NCSTN: variants seen among roughly 807,000 people sequenced by gnomAD.
NCSTN encodes the protein nicastrin, also known as anterior pharynx-defective 2.
Under a neutral mutation model 87.0 loss-of-function variants are expected in NCSTN, and 22 were observed. The observed-to-expected ratio is 0.25, with a 90% CI of 0.18 to 0.36. The LOEUF (loss-of-function observed/expected upper bound fraction) is 0.36, where lower values mean the gene tolerates loss of function less well. Among genes scored for constraint, NCSTN ranks in the 10% least tolerant of loss-of-function variants. The pLI is 1.00. For synonymous variants in NCSTN, 306 were observed against 327.1 expected, an observed-to-expected ratio of 0.94 and a Z score of 0.69; for missense variants, 693 against 883.3, an observed-to-expected ratio of 0.78 and a Z score of 2.73.
In NCSTN at chr1:160,358,342, C is replaced by A; in HGVS notation, c.*71C>A. On this transcript the variant is annotated 3_prime_UTR_variant, in exon 17 of 17. Coordinates refer to ENST00000294785, the MANE Select transcript of NCSTN (RefSeq NM_015331.3). The stretch of plus-strand genomic sequence containing the variant: ...AGCATCTGTCCCACTGGGACACAAC[C>A]ACTAATTTGTCACTGGAACCTCCCT... The A allele has an allele frequency of 6.2e-7, 1 of 1,604,758 alleles. No individual in the cohort carries two copies. The highest frequency in any genetic ancestry group is 8.5e-7 in the Non-Finnish European group (1 of 1,174,530).
Position 160,352,960 on chromosome 1 carries a change from A to G in NCSTN, c.1070A>G (p.Glu357Gly), listed in dbSNP as rs150081670. Residue 357 changes from glutamate to glycine, a missense_variant, in exon 9 of 17, where the codon GAG (glutamate) becomes GGG (glycine). Coordinates refer to ENST00000294785, the MANE Select transcript of NCSTN (RefSeq NM_015331.3). ...AAGGGCAAGTTTCCCGTGCAGTTAGAGAATGTTGACTCATTTGTGGAGCTG... is the reference window on the plus strand; with the variant it reads ...AAGGGCAAGTTTCCCGTGCAGTTAGGGAATGTTGACTCATTTGTGGAGCTG... ...MEKGKFPVQL[E>G]NVDSFVELGQ... 1.1e-4 allele frequency: 185 copies of G among 1,614,018 alleles called. No individual in the cohort carries two copies. The highest frequency in any genetic ancestry group is 1.4e-4 in the Non-Finnish European group (168 of 1,179,998).
At chr1:160,350,804 G>A (rs1007175253) in intron 5 of NCSTN, among the ~76,000 whole-genome samples, 2 of 152,084 alleles carry the variant, frequency 1.3e-5, no homozygotes, top group East Asian at 1.9e-4. Context: ...TTCTGGTCTA[G>A]TATTTCCATT....
intron 2 of NCSTN, among the ~76,000 whole-genome samples, chr1:160,345,667 G>A (rs1388023601): frequency 3.3e-5 from 5 of 151,806 alleles, no homozygotes; most frequent in Non-Finnish European, 7.4e-5. Context: ...GGGCGCAGTG[G>A]CACATGCCTG....
chr1:160,351,334 G>A lies in NCSTN; in HGVS notation c.695G>A (p.Arg232Gln), dbSNP rs773418303. The A allele has an allele frequency of 2.5e-6, 4 of 1,614,184 alleles. No individual in the cohort carries two copies. Among genetic ancestry groups the A allele is most frequent in the Non-Finnish European group, 3.4e-6 (4 of 1,180,032 alleles). ...GTCATCAGCACTGCCACCTGCATGC[G>A]GCGCAGCTCCATCCAAAGCACCTTC... ...HAVISTATCM[R>Q]RSSIQSTFSI... The change falls in exon 6 of 17, where the codon CGG becomes CAG. Residue 232 changes from arginine to glutamine, a missense_variant. Transcript: ENST00000294785.
At chr1:160,353,775 G>A in intron 10 of NCSTN, 2 of 931,164 alleles carry the variant, frequency 2.1e-6, no homozygotes, top group Non-Finnish European at 2.6e-6. Context: ...TCAGCACGCA[G>A]TTTTCTATTA....
At chr1:160,352,740 C>G (rs758080329) in intron 8 of NCSTN, 147 bp from the exon 9 acceptor site, 2 of 720,838 alleles carry the variant, frequency 2.8e-6, no homozygotes, top group African/African-American at 3.5e-5. Flanking sequence ...CAAGAGAAGC[C>G]GAAAGTCACA....
intron 1 of NCSTN, 79 bp from the exon 2 acceptor site, chr1:160,344,643 A>G (rs745784255): frequency 2.6e-5 from 42 of 1,587,646 alleles, no homozygotes; most frequent in Non-Finnish European, 3.4e-6. Flanking sequence ...TACCCAAGCC[A>G]TACTTCAGGT....
At chr1:160,353,519 T>A (rs1648979960) in intron 10 of NCSTN, 2 of 1,319,206 alleles carry the variant, frequency 1.5e-6, no homozygotes, top group Middle Eastern at 3.0e-4. Flanking sequence ...ACTAGCTCCC[T>A]TCTTGCCTTG....
intron 13 of NCSTN, 31 bp downstream of exon 13, chr1:160,355,989 T>C (rs1209471556): frequency 1.9e-6 from 3 of 1,562,852 alleles, no homozygotes; most frequent in Non-Finnish European, 1.8e-6. Context: ...TCCTTCTTTC[T>C]ATTTACACAG....
At chr1:160,353,288 A>AC (rs753269655) in intron 10 of NCSTN, 51 bp downstream of exon 10, 1 of 1,613,096 alleles carries the variant, frequency 6.2e-7, no homozygotes, top group Non-Finnish European at 8.5e-7. Context: ...CAGAATCCAG[A>AC]CCCCAACCCC....
intron 2 of NCSTN, among the ~76,000 whole-genome samples, chr1:160,345,361 T>G (rs1648413645): frequency 6.6e-6 from 1 of 151,952 alleles, no homozygotes; most frequent in Admixed American, 6.5e-5. Flanking sequence ...CCCAGCTAAT[T>G]TTTGTATTTT....
chr1:160,350,553 A>G (rs1382218131), intron 5 of NCSTN, among the ~76,000 whole-genome samples: 12 of 152,158 alleles, frequency 7.9e-5, no homozygotes, highest in African/African-American at 2.9e-4. Context: ...CTCCAAAAAG[A>G]ACCAAGACGT....
intron 4 of NCSTN, 108 bp from the exon 5 acceptor site, chr1:160,349,997 T>G: frequency 7.3e-7 from 1 of 1,361,854 alleles, no homozygotes; most frequent in Non-Finnish European, 1.0e-6. Flanking sequence ...AGTCACCACC[T>G]CCTTTTGAAC....
chr1:160,344,887 G>A (rs1205230390), intron 2 of NCSTN, 61 bp downstream of exon 2: 1 of 1,377,510 alleles, frequency 7.3e-7, no homozygotes, highest in Non-Finnish European at 1.0e-6. Context: ...TAGATACTAA[G>A]TAACATCCAT....
rs1452083387 is a variant in NCSTN at position 160,352,071 on chromosome 1, T to C, written c.861T>C (p.Phe287=). ...GTACCTAGCTGGATAGTCGTTCCTTTTTCTGGAATGTGGCCCCAGGGGCTG... is the reference window on the plus strand; with the variant it reads ...GTACCTAGCTGGATAGTCGTTCCTTCTTCTGGAATGTGGCCCCAGGGGCTG... The part of the protein sequence containing the change: ...VAATRLDSRS[F]FWNVAPGAES... Residue 287 remains phenylalanine, a synonymous_variant, in exon 8 of 17, where the codon TTT becomes TTC. Transcript: ENST00000294785. The C allele has an allele frequency of 4.3e-6, 7 of 1,614,112 alleles. No homozygotes were observed. The highest frequency in any genetic ancestry group is 5.9e-6 in the Non-Finnish European group (7 of 1,180,038).
In NCSTN at chr1:160,355,931, C is replaced by T. The variant is rs1217911323; in HGVS notation, c.1524C>T (p.Ser508=). The part of the protein sequence containing the change: ...LYELAGGTNF[S]DTVQADPQTV... The stretch of plus-strand genomic sequence containing the variant: ...AGCTTGCAGGAGGAACCAACTTCAG[C>T]GACACAGTTCAGGCTGATCCCCAAA... Residue 508 remains serine, a synonymous_variant, in exon 13 of 17, where the codon AGC becomes AGT. Transcript: ENST00000294785. 23 of 1,613,934 alleles carry T rather than the reference C, an allele frequency of 1.4e-5. No homozygotes were observed. The highest frequency in any genetic ancestry group is 2.2e-5 in the East Asian group (1 of 44,904).
At chr1:160,348,728 A>C (rs1020127524) in intron 2 of NCSTN, among the ~76,000 whole-genome samples, 10 of 152,214 alleles carry the variant, frequency 6.6e-5, no homozygotes, top group Non-Finnish European at 1.3e-4. Flanking sequence ...TATATGGCTA[A>C]ATAAGGTTGA....
At position 160,343,541 on chromosome 1, in the gene NCSTN, C is replaced by T. The variant is rs12094940; in HGVS notation, c.85+60C>T. On this transcript the variant is annotated intron_variant, in intron 1 of 16. Transcript: ENST00000294785. ...AGGGGAACTCTCGGATCGGCCCCGC[C>T]GCGACCGCCACTGTCTCCCTTCTGG... 0.011 allele frequency: 16,030 copies of T among 1,477,260 alleles called. 1,341 individuals are homozygous for T. In the African/African-American group the frequency reaches 0.19, roughly 18 times the overall value. 91.5% of individuals were successfully genotyped at this position (1,477,260 alleles called of 1,614,324 possible).
intron 1 of NCSTN, chr1:160,344,519 G>A: frequency 1.3e-6 from 2 of 1,548,586 alleles, no homozygotes; most frequent in South Asian, 1.2e-5. Flanking sequence ...ATAACCCTTT[G>A]AGGCACATAG....
Sources: allele counts gnomAD v4.1 joint callset (sites outside exome capture counted in the v4.1 genomes callset), GRCh38; gene constraint gnomAD v4.1.1; transcripts MANE v1.5; gene names NCBI Gene and HGNC (gene_info 2026-07-23, HGNC 2026-07-21).